Variants in NAGA observed in about 807,000 individuals in gnomAD.
NAGA encodes Acetylgalactosaminidase, alpha-N- (alpha-galactosidase B).
Under a neutral mutation model 45.6 loss-of-function variants are expected in NAGA, and 42 were observed. That is an observed-to-expected ratio of 0.92 (90% CI 0.72 to 1.19). The LOEUF (loss-of-function observed/expected upper bound fraction) is 1.19, where lower values mean the gene tolerates loss of function less well. Ranked by LOEUF, NAGA falls within the 50% of genes most tolerant of loss-of-function variation. NAGA has a pLI of 0.00. For synonymous variants in NAGA, 176 were observed against 203.1 expected (o/e 0.87, Z 1.13); for missense variants, 493 against 544.8 (o/e 0.90, Z 0.95).
intron 6 of NAGA, among the ~76,000 whole-genome samples, chr22:42,063,634 G>A (rs989375193): frequency 2.6e-5 from 4 of 152,240 alleles, no homozygotes; most frequent in African/African-American, 4.8e-5. Flanking sequence ...CCACGCTTGC[G>A]TGATGTATCA....
In NAGA at chr22:42,067,284, A is replaced by G; in HGVS notation, c.331T>C (p.Ser111Pro). ...GIPFLADYVH[S>P]LGLKLGIYAD... ...TAGATACCCAACTTCAGGCCCAGGG[A>G]GTGAACCTGTGGGGGTTTGAGGACA... The change falls in exon 4 of 9, where the codon TCC (serine) becomes CCC (proline). Residue 111 changes from serine (S) to proline (P), a missense_variant. By Grantham distance (74) the Ser-to-Pro change is moderately conservative. Coordinates refer to ENST00000396398, the MANE Select transcript of NAGA (RefSeq NM_000262.3). 6.2e-7 allele frequency: 1 copy of G among 1,614,054 alleles called. No homozygotes were observed.
At chr22:42,066,885 G>T in intron 4 of NAGA, 81 bp from the exon 5 acceptor site, 3 of 1,473,208 alleles carry the variant, frequency 2.0e-6, no homozygotes, top group Non-Finnish European at 2.8e-6. Flanking sequence ...TTTCCCAACA[G>T]ATGTGAAGAA....
chr22:42,064,644 C>CA (rs1178912098), intron 6 of NAGA, among the ~76,000 whole-genome samples: 3 of 151,880 alleles, frequency 2.0e-5, no homozygotes, highest in Admixed American at 1.3e-4. Flanking sequence ...GACTCTGTCT[C>CA]AAAAAATAAA....
intron 1 of NAGA, 121 bp from the exon 2 acceptor site, chr22:42,068,695 A>G (rs1051228744): frequency 7.3e-7 from 1 of 1,368,202 alleles, no homozygotes; most frequent in African/African-American, 1.4e-5. Flanking sequence ...TATAAGGGAA[A>G]CTGGACTCCT....
chr22:42,064,066 C>A (rs189543948), intron 6 of NAGA, among the ~76,000 whole-genome samples: 1 of 151,252 alleles, frequency 6.6e-6, no homozygotes, highest in Non-Finnish European at 1.5e-5. Flanking sequence ...AAAGGCCAGG[C>A]GCGGTGGCTC....
intron 7 of NAGA, 134 bp from the exon 8 acceptor site, chr22:42,061,201 G>C: frequency 8.8e-7 from 1 of 1,134,686 alleles, no homozygotes; most frequent in Non-Finnish European, 1.3e-6. Context: ...AGGATGCCAC[G>C]GGCCTCCAGC....
At chr22:42,062,792 C>T (rs1252828941) in intron 7 of NAGA, 35 bp downstream of exon 7, 1 of 1,607,102 alleles carries the variant, frequency 6.2e-7, no homozygotes, top group African/African-American at 1.3e-5. Context: ...CCCAGTTCCT[C>T]AGCCCTCCCC....
chr22:42,060,183 G>A lies in NAGA; in HGVS notation c.*96C>T. 2 of 1,522,862 alleles carry A rather than the reference G, an allele frequency of 1.3e-6. No homozygotes were observed. Among genetic ancestry groups the A allele is most frequent in the South Asian group, 2.3e-5 (2 of 88,700 alleles). The allele number at this position is 1,522,862 out of a possible 1,614,324, so 94.3% of individuals were successfully genotyped here. On this transcript the variant is annotated 3_prime_UTR_variant, in exon 9 of 9. Transcript: ENST00000396398. Reference sequence around the variant, plus strand: ...ATGGGGTCAGTCACCGAGCAGGCCTGGGGAGCAGAGAACCTCCCCACTTGC... The same window carrying A: ...ATGGGGTCAGTCACCGAGCAGGCCTAGGGAGCAGAGAACCTCCCCACTTGC...
At position 42,068,460 on chromosome 22, in the gene NAGA, T is replaced by G. The variant is rs747648726; in HGVS notation, c.131A>C (p.Glu44Ala). 2 of 1,614,178 alleles carry G rather than the reference T, an allele frequency of 1.2e-6. No individual in the cohort carries two copies. Among genetic ancestry groups the G allele is most frequent in the Non-Finnish European group, 1.7e-6 (2 of 1,180,028 alleles). Residue 44 changes from glutamate to alanine, a missense_variant, in exon 2 of 9, where the codon GAG (glutamate) becomes GCG (alanine). Coordinates refer to ENST00000396398, the MANE Select transcript of NAGA (RefSeq NM_000262.3). ...ERFRCNINCD[E>A]DPKNCISEQL... Reference sequence around the variant, plus strand: ...TCACCTTATGCAGTTCTTTGGGTCCTCATCACAGTTAATGTTGCAGCGGAA... The same window carrying G: ...TCACCTTATGCAGTTCTTTGGGTCCGCATCACAGTTAATGTTGCAGCGGAA...
At chr22:42,064,186 C>A (rs8139501) in intron 6 of NAGA, among the ~76,000 whole-genome samples, 10,920 of 147,640 alleles carry the variant, frequency 0.074, 1,335 homozygotes, top group African/African-American at 0.26. Context: ...ACCAAAAATA[C>A]AAAATTAGCC....
chr22:42,066,842 G>A (rs760456019), intron 4 of NAGA, 38 bp from the exon 5 acceptor site: 17 of 1,571,010 alleles, frequency 1.1e-5, no homozygotes, highest in Non-Finnish European at 1.5e-5. Flanking sequence ...CTGAGGAAGT[G>A]CAGGAGGCAG....
At chr22:42,069,198 T>C (rs1002571373) in intron 1 of NAGA, among the ~76,000 whole-genome samples, 2 of 152,130 alleles carry the variant, frequency 1.3e-5, no homozygotes, top group African/African-American at 4.8e-5. Flanking sequence ...GCCACTGAAC[T>C]CTAGCCTGGG....
chr22:42,068,093 GAGCCA>G (rs1484949192), intron 2 of NAGA, among the ~76,000 whole-genome samples, 157 bp from the exon 3 acceptor site: 12 of 152,228 alleles, frequency 7.9e-5, no homozygotes, highest in Non-Finnish European at 1.8e-4. Context: ...ATTGTGCGAT[GAGCCA>G]TAAGCAAGCT....
Position 42,070,544 on chromosome 22 carries a change from T to C in NAGA, c.-247A>G. On this transcript the variant is annotated 5_prime_UTR_variant, in exon 1 of 9. Transcript: ENST00000396398. ...GAAATACGAAACAACGTGTCTTGGATGTCAGACCTCACACCCTCTGCAGTG... is the reference window on the plus strand; with the variant it reads ...GAAATACGAAACAACGTGTCTTGGACGTCAGACCTCACACCCTCTGCAGTG... 4.8e-6 allele frequency: 3 copies of C among 629,358 alleles called. No homozygotes were observed. Among genetic ancestry groups the C allele is most frequent in the Non-Finnish European group, 8.7e-6 (3 of 344,946 alleles). 39.0% of individuals were successfully genotyped at this position (629,358 alleles called of 1,614,324 possible).
chr22:42,060,133 G>T lies in NAGA; in HGVS notation c.*146C>A. On this transcript the variant is annotated 3_prime_UTR_variant, in exon 9 of 9. Transcript: ENST00000396398. ...ACGCTTGGACAGGGCATAGAACCTG[G>T]CCGTGAGATTGCACTTTGGGTATGA... 9.2e-7 allele frequency: 1 copy of T among 1,083,138 alleles called. No homozygotes were observed. Among genetic ancestry groups the T allele is most frequent in the Non-Finnish European group, 1.4e-6 (1 of 720,326 alleles). 67.1% of individuals were successfully genotyped at this position (1,083,138 alleles called of 1,614,324 possible).
intron 5 of NAGA, 86 bp downstream of exon 5, chr22:42,066,624 A>G (rs762273035): frequency 1.0e-5 from 13 of 1,289,122 alleles, no homozygotes; most frequent in Non-Finnish European, 1.4e-5. Flanking sequence ...TGGCTCTGGA[A>G]GGCCCCGTCC....
At chr22:42,064,906 G>T (rs1206069489) in intron 6 of NAGA, among the ~76,000 whole-genome samples, 4 of 152,196 alleles carry the variant, frequency 2.6e-5, no homozygotes, top group Non-Finnish European at 5.9e-5. Flanking sequence ...TGACCCCAGG[G>T]CAAGCAATCC....
intron 7 of NAGA, among the ~76,000 whole-genome samples, chr22:42,061,365 C>G (rs553310393): frequency 6.6e-6 from 1 of 152,362 alleles, no homozygotes; most frequent in South Asian, 2.1e-4. Flanking sequence ...GAGGGATAAA[C>G]GCAGAAACAG....
chr22:42,060,449 A>G lies in NAGA; in HGVS notation c.1102-36T>C, dbSNP rs1241885810. 4 of 1,610,858 alleles carry G rather than the reference A, an allele frequency of 2.5e-6. No homozygotes were observed. The Admixed American group carries it at 6.7e-5, about 27-fold the overall frequency. On this transcript the variant is annotated intron_variant, in intron 8 of 8. Coordinates refer to ENST00000396398, the MANE Select transcript of NAGA (RefSeq NM_000262.3). The stretch of plus-strand genomic sequence containing the variant: ...GAGGGACATCACCAATGCCACCATG[A>G]GAGTGGCGGCACAGAGACCCCCCCC...
Sources: gnomAD v4.1 joint callset for allele counts (sites outside exome capture counted in the v4.1 genomes callset) on GRCh38, gnomAD v4.1.1 for gene constraint, MANE v1.5 for transcripts, NCBI Gene and HGNC (gene_info 2026-07-23, HGNC 2026-07-21) for gene names.